Variants in NFASC observed in about 807,000 individuals in gnomAD.
The protein encoded by NFASC is neurofascin homolog.
NFASC carries 43 observed loss-of-function variants against 147.5 expected under a neutral mutation model. The ratio of observed to expected loss-of-function variants is 0.29; its 90% CI spans 0.23 to 0.38. NFASC has a LOEUF of 0.38. Ranked by LOEUF, NFASC falls within the 10% of genes least tolerant of loss-of-function variation. The pLI is 1.00. For synonymous variants in NFASC, 622 were observed against 665.5 expected, an observed-to-expected ratio of 0.93 and a Z score of 1.01; for missense variants, 1,320 against 1,689.0, an observed-to-expected ratio of 0.78 and a Z score of 3.83.
At chr1:204,864,522 A>G (rs1489436105) in intron 1 of NFASC, among the ~76,000 whole-genome samples, 4 of 152,176 alleles carry the variant, frequency 2.6e-5, no homozygotes, top group Non-Finnish European at 4.4e-5. Flanking sequence ...ATCCTCACCA[A>G]CACTTGTTAT....
intron 8 of NFASC, among the ~76,000 whole-genome samples, chr1:204,967,216 C>T (rs548314015): frequency 2.0e-5 from 3 of 152,260 alleles, no homozygotes; most frequent in Admixed American, 6.5e-5. Flanking sequence ...TATGTACGAT[C>T]GTACACCTTG....
At chr1:204,857,020 G>T (rs939846251) in intron 1 of NFASC, among the ~76,000 whole-genome samples, 2 of 152,282 alleles carry the variant, frequency 1.3e-5, no homozygotes, top group Admixed American at 1.3e-4. Context: ...ACCTGCTTTC[G>T]ATTCTTTGGG....
At chr1:204,918,217 G>C (rs1486270877) in intron 1 of NFASC, among the ~76,000 whole-genome samples, 3 of 152,170 alleles carry the variant, frequency 2.0e-5, no homozygotes, top group Non-Finnish European at 2.9e-5. Flanking sequence ...AGGATTTCTT[G>C]TGGGGCATAA....
At chr1:204,935,095 C>T (rs1055871525) in intron 2 of NFASC, among the ~76,000 whole-genome samples, 1 of 152,044 alleles carries the variant, frequency 6.6e-6, no homozygotes, top group Non-Finnish European at 1.5e-5. Context: ...GCACTTAGGA[C>T]GAGGACCTAA....
chr1:204,934,137 C>CAAA lies in NFASC; in HGVS notation c.-90-10074_-90-10072dup, dbSNP rs10633193. On this transcript the variant is annotated intron_variant, in intron 2 of 29. Coordinates refer to ENST00000339876, the MANE Select transcript of NFASC (RefSeq NM_001005388.3). ...CGGGCGACAGAGTGAGACTCCATTT[C>CAAA]AAAAAAAAAAAAAAAAACAGATGAG... Among the ~76,000 whole-genome samples the CAAA allele has an allele frequency of 2.3e-3, 260 of 113,404 alleles. 7 individuals carry two copies. The highest frequency in any genetic ancestry group is 2.8e-3 in the Non-Finnish European group (161 of 57,212). The allele number at this position is 113,404 out of a possible 152,430, so 74.4% of individuals were successfully genotyped here.
chr1:204,993,363 CTCT>C (rs1342003973), intron 24 of NFASC, among the ~76,000 whole-genome samples: 1 of 152,216 alleles, frequency 6.6e-6, no homozygotes. Flanking sequence ...AAGTGCTGTT[CTCT>C]TCTTTGACCC....
intron 8 of NFASC, chr1:204,962,178 T>G (rs752326408): frequency 6.2e-7 from 1 of 1,607,664 alleles, no homozygotes; most frequent in Non-Finnish European, 8.5e-7. Flanking sequence ...AGCGGTAACC[T>G]TGGGAGTAAC....
chr1:204,877,131 T>C (rs1044774065), intron 1 of NFASC, among the ~76,000 whole-genome samples: 1 of 142,542 alleles, frequency 7.0e-6, no homozygotes, highest in African/African-American at 2.6e-5. Context: ...GTTAAAATAT[T>C]AAATAATATA....
chr1:205,017,537 A>G lies in NFASC; in HGVS notation c.*998A>G, dbSNP rs1199165835. Reference sequence around the variant, plus strand: ...ACCCAGGATGTAGATAGAGGGCCACACCCACCCTGTCCAGAGTAGAGGGCA... The same window carrying G: ...ACCCAGGATGTAGATAGAGGGCCACGCCCACCCTGTCCAGAGTAGAGGGCA... On this transcript the variant is annotated 3_prime_UTR_variant, in exon 30 of 30. Transcript: ENST00000339876. 1 of 152,660 alleles carries G rather than the reference A, an allele frequency of 6.6e-6. No homozygotes were observed. The highest frequency in any genetic ancestry group is 1.5e-5 in the Non-Finnish European group (1 of 68,068). 9.5% of individuals were successfully genotyped at this position (152,660 alleles called of 1,614,324 possible).
Position 204,954,337 on chromosome 1 carries a change from A to G in NFASC, c.365A>G (p.Asn122Ser). Reference sequence around the variant, plus strand: ...GGGGAATATCAGTGCTTCGCCCGCAACAAATTTGGCACGGCCCTGTCCAAT... The same window carrying G: ...GGGGAATATCAGTGCTTCGCCCGCAGCAAATTTGGCACGGCCCTGTCCAAT... ...YEGEYQCFARNKFGTALSNRI... is the reference protein window; with the variant it reads ...YEGEYQCFARSKFGTALSNRI... Residue 122 changes from asparagine (N) to serine (S), a missense_variant, in exon 6 of 30, where the codon AAC becomes AGC. By Grantham distance (46) the Asn-to-Ser change is conservative. Around this residue, in one of 3 missense-constraint regions of NFASC, gnomAD observed 981 missense variants for 1,289.5 expected, o/e 0.76. Coordinates refer to ENST00000339876, the MANE Select transcript of NFASC (RefSeq NM_001005388.3). The surrounding 1 kb of genome is among the most constrained non-coding windows in gnomAD (Gnocchi z 5.7). The G allele has an allele frequency of 6.2e-7, 1 of 1,613,872 alleles. No individual in the cohort carries two copies. Among genetic ancestry groups the G allele is most frequent in the South Asian group, 1.1e-5 (1 of 91,080 alleles).
At chr1:204,998,548 C>T (rs188997499) in intron 25 of NFASC, 8 of 152,360 alleles carry the variant, frequency 5.3e-5, no homozygotes, top group South Asian at 2.1e-4. Context: ...AGACGAGAGG[C>T]ATAGCTGCTG....
chr1:204,967,951 C>CCGTATCAT, intron 8 of NFASC: 5 of 312,060 alleles, frequency 1.6e-5, no homozygotes, highest in Non-Finnish European at 1.8e-5. Context: ...TCTCGCACTG[C>CCGTATCAT]TCAGACAGCC....
At chr1:204,977,549 G>A (rs897359395) in intron 16 of NFASC, 132 bp from the exon 17 acceptor site, 126 of 686,166 alleles carry the variant, frequency 1.8e-4, no homozygotes, top group Non-Finnish European at 2.5e-4. Flanking sequence ...ATGGAAGGAC[G>A]GGGACAGCCC....
intron 24 of NFASC, among the ~76,000 whole-genome samples, chr1:204,993,131 G>A (rs568224878): frequency 3.3e-5 from 5 of 152,276 alleles, no homozygotes; most frequent in South Asian, 4.1e-4. Context: ...CCTGGCGTCC[G>A]GCCCACTGCT....
At chr1:204,874,361 G>A (rs1402221971) in intron 1 of NFASC, among the ~76,000 whole-genome samples, 1 of 152,190 alleles carries the variant, frequency 6.6e-6, no homozygotes, top group Non-Finnish European at 1.5e-5. Context: ...GCTGCCTTTC[G>A]CCCCATTTTG....
chr1:204,960,007 G>A (rs895933), intron 8 of NFASC, among the ~76,000 whole-genome samples: 28,809 of 152,186 alleles, frequency 0.19, 2,791 homozygotes, highest in Middle Eastern at 0.34. Context: ...CTGGCTGGGA[G>A]CAAGTTCTGG....
intron 1 of NFASC, among the ~76,000 whole-genome samples, chr1:204,901,797 G>T (rs1312065198): frequency 6.6e-6 from 1 of 152,152 alleles, no homozygotes. Context: ...GAGACAGGAG[G>T]TAGAGGAGGA....
rs1228907847 is a variant in NFASC, at chr1:204,982,035, C to T, written c.2470+15C>T. ...CGGAGAAGATTGTGAGTAGTCTCCTCCCCGTCCCCCCATCAGGACCCTTGT... is the reference window on the plus strand; with the variant it reads ...CGGAGAAGATTGTGAGTAGTCTCCTTCCCGTCCCCCCATCAGGACCCTTGT... On this transcript the variant is annotated intron_variant, in intron 21 of 29. Transcript: ENST00000339876. The T allele has an allele frequency of 2.0e-6, 3 of 1,494,886 alleles. No individual in the cohort carries two copies. In the South Asian group the frequency reaches 4.0e-5, roughly 20 times the overall value. The allele number at this position is 1,494,886 out of a possible 1,614,324, so 92.6% of individuals were successfully genotyped here. A position where few individuals can be genotyped will look rare whatever the true frequency, so the allele number is the denominator to read the frequency against.
At chr1:204,978,026 G>A (rs2095441512) in intron 17 of NFASC, among the ~76,000 whole-genome samples, 1 of 152,182 alleles carries the variant, frequency 6.6e-6, no homozygotes, top group South Asian at 2.1e-4. Flanking sequence ...AGTCTTTCAG[G>A]TCCTGTTTGC....
Sources: gnomAD v4.1 joint callset for allele counts (sites outside exome capture counted in the v4.1 genomes callset) on GRCh38, gnomAD v4.1.1 for gene constraint, gnomAD v4.1.1 regional missense constraint, Gnocchi (gnomAD v3.1) non-coding constraint, MANE v1.5 for transcripts, NCBI Gene and HGNC (gene_info 2026-07-23, HGNC 2026-07-21) for gene names.